CYP2U1: variants seen among roughly 807,000 people sequenced by gnomAD.
The protein encoded by CYP2U1 is cytochrome P450 2U1.
CYP2U1 carries 28 observed loss-of-function variants against 42.8 expected under a neutral mutation model. That is an observed-to-expected ratio of 0.65 (90% confidence interval 0.48 to 0.90). The LOEUF is 0.90. Among genes scored for constraint, CYP2U1 ranks in the 40% least tolerant of loss-of-function variants. CYP2U1 has a pLI of 0.00. For missense variants in CYP2U1, 642 were observed against 693.8 expected (o/e 0.93, Z 0.84); for synonymous variants, 296 against 278.9 (o/e 1.06, Z -0.61).
At chr4:107,937,016 C>A (rs1733296359) in intron 1 of CYP2U1, among the ~76,000 whole-genome samples, 1 of 105,040 alleles carries the variant, frequency 9.5e-6, no homozygotes, top group Non-Finnish European at 2.4e-5. Flanking sequence ...GGACACTAGT[C>A]ATGAAAGTAG....
At chr4:107,939,314 G>T (rs1425499107) in intron 1 of CYP2U1, among the ~76,000 whole-genome samples, 1 of 152,208 alleles carries the variant, frequency 6.6e-6, no homozygotes, top group East Asian at 1.9e-4. Flanking sequence ...CATGGTTAAA[G>T]ACAGGAGGAA....
At chr4:107,949,807 G>A (rs905730210) in intron 4 of CYP2U1, among the ~76,000 whole-genome samples, 6 of 152,180 alleles carry the variant, frequency 3.9e-5, no homozygotes, top group Non-Finnish European at 5.9e-5. Context: ...TCTGGTGGGT[G>A]AGAGGATGGG....
intron 3 of CYP2U1, among the ~76,000 whole-genome samples, chr4:107,948,792 C>T (rs184896371): frequency 1.3e-5 from 2 of 151,976 alleles, no homozygotes; most frequent in Non-Finnish European, 2.9e-5. Flanking sequence ...TATAGCATGC[C>T]GTTGCTTATA....
At chr4:107,943,260 A>G (rs1433610187) in intron 1 of CYP2U1, among the ~76,000 whole-genome samples, 1 of 152,254 alleles carries the variant, frequency 6.6e-6, no homozygotes, top group Admixed American at 6.5e-5. Flanking sequence ...ACGCTTTCAG[A>G]GTACTCTCCA....
At position 107,947,549 on chromosome 4, in the gene CYP2U1, GTCTTCCTCTTTGAATGC is replaced by G. The variant is rs757751605; in HGVS notation, c.1288+13_1288+29del. On this transcript the variant is annotated intron_variant, in intron 3 of 4. Transcript: ENST00000332884. Reference sequence around the variant, plus strand: ...CTCAGAGAACACAGGCAAGTCCAGGGTCTTCCTCTTTGAATGCCCTTGACGGAAGCAGGGCCCTCTAA... The same window carrying G: ...CTCAGAGAACACAGGCAAGTCCAGGGCCTTGACGGAAGCAGGGCCCTCTAA... 2 of 1,613,550 alleles carry G rather than the reference GTCTTCCTCTTTGAATGC, an allele frequency of 1.2e-6. No homozygotes were observed. Among genetic ancestry groups the G allele is most frequent in the Non-Finnish European group, 1.7e-6 (2 of 1,179,708 alleles).
intron 1 of CYP2U1, among the ~76,000 whole-genome samples, chr4:107,941,833 C>A (rs1416748611): frequency 6.6e-6 from 1 of 152,056 alleles, no homozygotes; most frequent in Non-Finnish European, 1.5e-5. Context: ...TAGACAAATT[C>A]TTTCAGAGAC....
chr4:107,931,945 T>C lies in CYP2U1; in HGVS notation c.302T>C (p.Ile101Thr), dbSNP rs1053725607. Residue 101 changes from isoleucine (I) to threonine (T), a missense_variant, in exon 1 of 5, where the codon ATA becomes ACA. By Grantham distance (89) the Ile-to-Thr change is moderately conservative. Coordinates refer to ENST00000332884, the MANE Select transcript of CYP2U1 (RefSeq NM_183075.3). ...GCCGCAGGGATTGATCCCTCGGTCA[T>C]AGGCCCGCAGGTGCTCCTGGCTCAC... ...TRAAGIDPSV[I>T]GPQVLLAHLA... The C allele has an allele frequency of 1.9e-6, 3 of 1,551,368 alleles. No homozygotes were observed.
At position 107,932,048 on chromosome 4, in the gene CYP2U1, C is replaced by T; in HGVS notation, c.405C>T (p.Ser135=). ...YLVVVLSDFH[S]VREALVQQAE... ...TGGTGGTCCTCAGCGACTTCCACAGCGTGCGCGAGGCGCTGGTGCAGCAGG... is the reference window on the plus strand; with the variant it reads ...TGGTGGTCCTCAGCGACTTCCACAGTGTGCGCGAGGCGCTGGTGCAGCAGG... Residue 135 remains serine (S), a synonymous_variant, in exon 1 of 5, where the codon AGC becomes AGT. Transcript: ENST00000332884. The T allele has an allele frequency of 1.3e-6, 2 of 1,579,426 alleles. No individual in the cohort carries two copies. Among genetic ancestry groups the T allele is most frequent in the African/African-American group, 1.3e-5 (1 of 74,168 alleles).
rs1331562603 is a variant in CYP2U1 at position 107,945,551 on chromosome 4, A to G, written c.1072A>G (p.Thr358Ala). 11 of 1,610,154 alleles carry G rather than the reference A, an allele frequency of 6.8e-6. No individual in the cohort carries two copies. The highest frequency in any genetic ancestry group is 9.3e-6 in the Non-Finnish European group (11 of 1,177,386). The stretch of plus-strand genomic sequence containing the variant: ...CTTTATTGCTGGGACTGATACCACA[A>G]CTAACTCTTTGCTCTGGTGCCTGCT... ...DLFIAGTDTT[T>A]NSLLWCLLYM... The change falls in exon 2 of 5, where the codon ACT becomes GCT. Residue 358 changes from threonine (T) to alanine (A), a missense_variant. Coordinates refer to ENST00000332884, the MANE Select transcript of CYP2U1 (RefSeq NM_183075.3).
chr4:107,950,413 C>G lies in CYP2U1; in HGVS notation c.1625C>G (p.Ser542Ter), dbSNP rs1188396118. 2.5e-6 allele frequency: 4 copies of G among 1,606,712 alleles called. No individual in the cohort carries two copies. The highest frequency in any genetic ancestry group is 2.7e-5 in the African/African-American group (2 of 74,298). Residue 542 changes from serine to a stop codon, truncating the protein, a stop_gained, in exon 5 of 5, where the codon TCA becomes TGA. Transcript: ENST00000332884. LOFTEE classifies it high-confidence loss of function. ...LAPHPFNITI[S>*]RR ...CCACATCCATTTAATATAACTATTTCAAGGAGATGAAGAGCATCTCCAAGA... is the reference window on the plus strand; with the variant it reads ...CCACATCCATTTAATATAACTATTTGAAGGAGATGAAGAGCATCTCCAAGA...
chr4:107,944,839 C>CATATATATATATATATATATAT (rs374845038), intron 1 of CYP2U1, 131 bp from the exon 2 acceptor site: 2,057 of 64,000 alleles, frequency 0.032, 373 homozygotes, highest in Admixed American at 0.044. Flanking sequence ...TTTATATATA[C>CATATATATATATATATATATAT]ATATATATAT....
At chr4:107,932,886 T>C (rs2126189895) in intron 1 of CYP2U1, among the ~76,000 whole-genome samples, 1 of 152,302 alleles carries the variant, frequency 6.6e-6, no homozygotes, top group Admixed American at 6.5e-5. Context: ...TAGAACCAGG[T>C]CCCTTGCCCA....
At chr4:107,944,026 G>A (rs1044512863) in intron 1 of CYP2U1, among the ~76,000 whole-genome samples, 9 of 152,176 alleles carry the variant, frequency 5.9e-5, no homozygotes, top group South Asian at 2.1e-4. Context: ...GGCTGCTGCC[G>A]ACAACAGACA....
At chr4:107,942,577 ACG>A (rs1733536354) in intron 1 of CYP2U1, among the ~76,000 whole-genome samples, 1 of 152,200 alleles carries the variant, frequency 6.6e-6, no homozygotes, top group African/African-American at 2.4e-5. Context: ...ACAGTGATAA[ACG>A]CATAGACCAA....
At position 107,945,419 on chromosome 4, in the gene CYP2U1, C is replaced by G. The variant is rs754089373; in HGVS notation, c.940C>G (p.Pro314Ala). 3 of 1,613,904 alleles carry G rather than the reference C, an allele frequency of 1.9e-6. No homozygotes were observed. Among genetic ancestry groups the G allele is most frequent in the Non-Finnish European group, 2.5e-6 (3 of 1,179,968 alleles). ...TCAAGAGTCTCTGGATAGAGAGAAC[C>G]CTCAGGACTTCATAGACATGTACCT... ...DHQESLDREN[P>A]QDFIDMYLLH... is the part of the protein sequence containing the mutation. The change falls in exon 2 of 5, where the codon CCT (proline) becomes GCT (alanine). Residue 314 changes from proline (P) to alanine (A), a missense_variant. Transcript: ENST00000332884.
chr4:107,947,359 T>A lies in CYP2U1; in HGVS notation c.1127-17T>A, dbSNP rs6856745. The A allele has an allele frequency of 6.3e-5, 102 of 1,613,102 alleles. No individual in the cohort carries two copies. The highest frequency in any genetic ancestry group is 7.7e-5 in the Non-Finnish European group (91 of 1,179,370). The stretch of plus-strand genomic sequence containing the variant: ...TCCCATGCTTATCTTCTGGTTTATT[T>A]TTCCCTTTTTACATAGAAAAGGTTC... On this transcript the variant is annotated splice_polypyrimidine_tract_variant and intron_variant, in intron 2 of 4. Transcript: ENST00000332884.
chr4:107,951,999 T>G lies in CYP2U1; in HGVS notation c.*1576T>G, dbSNP rs1223962172. The G allele has an allele frequency of 1.3e-5, 2 of 152,200 alleles. No individual in the cohort carries two copies. The highest frequency in any genetic ancestry group is 2.9e-5 in the Non-Finnish European group (2 of 68,034). The allele number at this position is 152,200 out of a possible 1,614,324, so 9.4% of individuals were successfully genotyped here. ...TTGATTCTGCCACCACTTGATCCCA[T>G]AACAGGCTACCCCTTGGCCTCATGC... On this transcript the variant is annotated 3_prime_UTR_variant, in exon 5 of 5. Coordinates refer to ENST00000332884, the MANE Select transcript of CYP2U1 (RefSeq NM_183075.3).
At chr4:107,933,114 C>T (rs146564290) in intron 1 of CYP2U1, among the ~76,000 whole-genome samples, 202 of 152,228 alleles carry the variant, frequency 1.3e-3, no homozygotes, top group Admixed American at 3.3e-3. Flanking sequence ...CTGATAAAGC[C>T]AGAGTTTTGC....
intron 1 of CYP2U1, among the ~76,000 whole-genome samples, chr4:107,933,396 C>T (rs1180287163): frequency 6.6e-6 from 1 of 152,144 alleles, no homozygotes; most frequent in South Asian, 2.1e-4. Context: ...TCTCCAGGCA[C>T]CCATGAGCTC....
Sources: allele counts gnomAD v4.1 joint callset (sites outside exome capture counted in the v4.1 genomes callset), GRCh38; gene constraint gnomAD v4.1.1; transcripts MANE v1.5; gene names NCBI Gene and HGNC (gene_info 2026-07-23, HGNC 2026-07-21).